TLR6: variants seen among roughly 807,000 people sequenced by gnomAD.
The protein encoded by TLR6 is toll-like receptor 6.
TLR6 carries 9 observed loss-of-function variants against 16.1 expected under a neutral mutation model. The observed-to-expected ratio is 0.56, with a 90% confidence interval of 0.34 to 0.98. TLR6 has a LOEUF of 0.98. Among genes scored for constraint, TLR6 ranks in the 50% least tolerant of loss-of-function variants. The pLI, the probability that TLR6 is intolerant of heterozygous loss-of-function variation, is 0.02. For missense variants in TLR6, 786 were observed against 921.0 expected (o/e 0.85, Z 1.90); for synonymous variants, 340 against 338.6 (o/e 1.00, Z -0.04).
intron 1 of TLR6, among the ~76,000 whole-genome samples, chr4:38,850,275 C>G (rs1369454894): frequency 2.0e-5 from 3 of 152,120 alleles, no homozygotes; most frequent in Non-Finnish European, 4.4e-5. Flanking sequence ...CAAGAGAAAG[C>G]AGGAAAGATC....
At chr4:38,834,624 C>T (rs570699336) in intron 1 of TLR6, among the ~76,000 whole-genome samples, 16 of 150,930 alleles carry the variant, frequency 1.1e-4, no homozygotes, top group South Asian at 8.3e-4. Flanking sequence ...AAGACTAAGA[C>T]AGAATCCTAA....
chr4:38,829,384 G>T lies in TLR6; in HGVS notation c.90C>A (p.Asp30Glu), dbSNP rs185522984. 1.9e-6 allele frequency: 3 copies of T among 1,613,996 alleles called. No individual in the cohort carries two copies. In the South Asian group the frequency reaches 3.3e-5, roughly 18 times the overall value. Reference sequence around the variant, plus strand: ...ACTTGTCTACTGCAAATTCATTTCCGTCGGAGAACTGGATTCTGGTTCCAA... The same window carrying T: ...ACTTGTCTACTGCAAATTCATTTCCTTCGGAGAACTGGATTCTGGTTCCAA... The change falls in exon 2 of 2, where the codon GAC becomes GAA. Residue 30 changes from aspartate (D) to glutamate (E), a missense_variant. By Grantham distance (45) the Asp-to-Glu change is conservative. Coordinates refer to ENST00000436693, the Ensembl canonical transcript of TLR6.
intron 1 of TLR6, among the ~76,000 whole-genome samples, chr4:38,843,445 C>T (rs1176071260): frequency 6.6e-6 from 1 of 152,140 alleles, no homozygotes; most frequent in Non-Finnish European, 1.5e-5. Context: ...AGGGGATATA[C>T]TGGAAATAGT....
chr4:38,826,532 A>C (rs1418868655), exon 2 of TLR6: 1 of 152,596 alleles, frequency 6.6e-6, no homozygotes, highest in East Asian at 1.9e-4. Flanking sequence ...CTATCAAGTC[A>C]TGAGTCCTCA....
exon 2 of TLR6, chr4:38,829,308 C>T (rs1420388028): frequency 2.5e-6 from 4 of 1,614,056 alleles, no homozygotes; most frequent in Middle Eastern, 3.3e-4. Flanking sequence ...ATATCTAAGA[C>T]TTTGGTTTTC....
intron 1 of TLR6, among the ~76,000 whole-genome samples, chr4:38,848,443 G>A (rs1480725619): frequency 6.6e-6 from 1 of 152,234 alleles, no homozygotes; most frequent in Non-Finnish European, 1.5e-5. Flanking sequence ...GAATGACTTT[G>A]ACATGTTGAG....
chr4:38,842,915 T>C (rs1456822701), intron 1 of TLR6, among the ~76,000 whole-genome samples: 3 of 152,230 alleles, frequency 2.0e-5, no homozygotes, highest in Non-Finnish European at 4.4e-5. Flanking sequence ...CAATTCCCAT[T>C]ACAATGGGTA....
chr4:38,845,505 G>C (rs1488323777), intron 1 of TLR6, among the ~76,000 whole-genome samples: 2 of 152,260 alleles, frequency 1.3e-5, no homozygotes, highest in East Asian at 3.8e-4. Flanking sequence ...GGAAGGCAGA[G>C]AGGATGTCAG....
At chr4:38,866,992 A>G in the TLR6 span, among the ~76,000 whole-genome samples, 2 of 152,266 alleles carry the variant, frequency 1.3e-5, no homozygotes, top group Non-Finnish European at 2.9e-5. Context: ...TAGAAAATAC[A>G]AAATTGTTTA....
chr4:38,855,708 G>C (rs1049525429), intron 1 of TLR6, among the ~76,000 whole-genome samples: 8 of 152,176 alleles, frequency 5.3e-5, no homozygotes, highest in Non-Finnish European at 1.2e-4. Context: ...CCACAAAAAC[G>C]CAATATTCCT....
chr4:38,828,436 C>A (rs745618888), exon 2 of TLR6: 2 of 1,614,038 alleles, frequency 1.2e-6, no homozygotes. Context: ...GAGGACACAG[C>A]ATGTGTATAA....
At chr4:38,851,897 G>A (rs1265314123) in intron 1 of TLR6, among the ~76,000 whole-genome samples, 2 of 152,034 alleles carry the variant, frequency 1.3e-5, no homozygotes, top group South Asian at 2.1e-4. Flanking sequence ...TTCATATGGG[G>A]TCAAAAAAGA....
intron 1 of TLR6, among the ~76,000 whole-genome samples, chr4:38,854,931 C>A (rs962122709): frequency 2.0e-5 from 3 of 152,022 alleles, no homozygotes; most frequent in Non-Finnish European, 2.9e-5. Flanking sequence ...AAATTATGGC[C>A]GGGCGCAGTG....
chr4:38,861,156 C>T (rs960728713), upstream of TLR6, among the ~76,000 whole-genome samples: 2 of 151,964 alleles, frequency 1.3e-5, no homozygotes, highest in Admixed American at 6.6e-5. Flanking sequence ...CTTCTCATTG[C>T]AGTCATCTAG....
chr4:38,857,948 G>T (rs114689013), upstream of TLR6, among the ~76,000 whole-genome samples: 1,498 of 152,318 alleles, frequency 9.8e-3, 23 homozygotes, highest in African/African-American at 0.034. Context: ...CTGTGGCTCT[G>T]AGGGAATTTC....
chr4:38,848,589 C>T (rs1712636256), intron 1 of TLR6, among the ~76,000 whole-genome samples: 1 of 152,122 alleles, frequency 6.6e-6, no homozygotes, highest in African/African-American at 2.4e-5. Context: ...CTTAAAGGAC[C>T]TGATGGAGCT....
intron 1 of TLR6, among the ~76,000 whole-genome samples, chr4:38,854,312 G>A (rs1381313175): frequency 6.6e-6 from 1 of 152,132 alleles, no homozygotes; most frequent in Admixed American, 6.5e-5. Context: ...TTCTATGATG[G>A]ACCAGCCATT....
At chr4:38,831,546 A>G (rs1451058965) in intron 1 of TLR6, among the ~76,000 whole-genome samples, 1 of 152,190 alleles carries the variant, frequency 6.6e-6, no homozygotes, top group African/African-American at 2.4e-5. Context: ...TTGCTTTGCA[A>G]AAGACACTGC....
At chr4:38,827,919 G>C in exon 2 of TLR6, 1 of 1,614,072 alleles carries the variant, frequency 6.2e-7, no homozygotes, top group South Asian at 1.1e-5. Context: ...CTCATCTTCT[G>C]GCAGCTCTGG....
Sources: allele counts gnomAD v4.1 joint callset (sites outside exome capture counted in the v4.1 genomes callset), GRCh38; gene constraint gnomAD v4.1.1; transcripts MANE v1.5; gene names NCBI Gene and HGNC (gene_info 2026-07-23, HGNC 2026-07-21).